Variants in ARHGEF1 observed in about 807,000 individuals in gnomAD.
ARHGEF1 encodes Rho guanine nucleotide exchange factor 1.
In ARHGEF1, 40 loss-of-function variants were observed where a neutral mutation model predicts 119.7. That is an observed-to-expected ratio of 0.33 (90% confidence interval 0.26 to 0.44). The LOEUF is 0.44. Ranked by LOEUF, ARHGEF1 falls within the 20% of genes least tolerant of loss-of-function variation. The pLI is 1.00. For synonymous variants in ARHGEF1, 494 were observed against 521.0 expected (o/e 0.95, Z 0.71); for missense variants, 976 against 1,268.3 (o/e 0.77, Z 3.50).
intron 12 of ARHGEF1, 63 bp downstream of exon 12, chr19:41,895,549 C>T: frequency 1.3e-6 from 2 of 1,509,612 alleles, no homozygotes; most frequent in East Asian, 2.3e-5. Context: ...GTGCTGCCTG[C>T]CCCCTTGGCA....
intron 14 of ARHGEF1, among the ~76,000 whole-genome samples, chr19:41,899,521 T>G (rs1317678958): frequency 6.6e-6 from 1 of 151,260 alleles, no homozygotes; most frequent in African/African-American, 2.4e-5. Context: ...TTTTTTTTTT[T>G]TTTTTAAGAC....
chr19:41,908,231 G>T, downstream of ARHGEF1: 3 of 1,231,786 alleles, frequency 2.4e-6, no homozygotes, highest in Non-Finnish European at 3.0e-6. This position sits in a 1 kb window ranked among gnomAD's most constrained non-coding sequence, Gnocchi z 6.7. Flanking sequence ...TGCCGGCTCA[G>T]CTGCCGGTCC....
chr19:41,883,931 A>C lies in ARHGEF1; in HGVS notation c.-20+642A>C, dbSNP rs2074255499. Among the ~76,000 whole-genome samples the C allele has an allele frequency of 6.6e-6, 1 of 152,066 alleles. No homozygotes were observed. Among genetic ancestry groups the C allele is most frequent in the Non-Finnish European group, 1.5e-5 (1 of 68,002 alleles). On this transcript the variant is annotated intron_variant, in intron 1 of 28. Transcript: ENST00000354532. The surrounding 1 kb of genome is among the most constrained non-coding windows in gnomAD (Gnocchi z 7.6). ...GAAGTCATTACTTTTTGCAGATTAC[A>C]CTGCATGTCAGAGGGAAAGTTGTGC...
chr19:41,884,383 G>T lies in ARHGEF1; in HGVS notation c.-20+1094G>T, dbSNP rs533580801. On this transcript the variant is annotated intron_variant, in intron 1 of 28. Transcript: ENST00000354532. ...AGGAGTGGAGCTGGGCGCAAAGGTG[G>T]ACTCAGGGCGGCTAGAGCGACGCGG... is the stretch of plus-strand genomic sequence containing the variant. The T allele has an allele frequency of 1.4e-5, 22 of 1,567,446 alleles. No homozygotes were observed. The East Asian group carries it at 3.6e-4, about 26-fold the overall frequency.
At position 41,923,332 on chromosome 19, in the gene ARHGEF1, A is replaced by G. The variant is rs972909246; in HGVS notation, c.140+99A>G. On this transcript the variant is annotated intron_variant, in intron 1 of 2. Transcript: ENST00000594417. The stretch of plus-strand genomic sequence containing the variant: ...AAAGAGACAAGACAAGGAGACAGAC[A>G]CAGAGTCCAGGATATGGAGAAACTG... 52 of 374,786 alleles carry G rather than the reference A, an allele frequency of 1.4e-4. 1 individual carries two copies. The highest frequency in any genetic ancestry group is 1.0e-3 in the South Asian group (52 of 50,282). 23.2% of individuals were successfully genotyped at this position (374,786 alleles called of 1,614,324 possible).
chr19:41,893,094 C>T, intron 7 of ARHGEF1, 180 bp from the exon 8 acceptor site: 1 of 1,016,784 alleles, frequency 9.8e-7, no homozygotes, highest in Non-Finnish European at 1.4e-6. Context: ...GGATCCCATC[C>T]TCCTGGATGA....
chr19:41,888,741 T>C lies in ARHGEF1; in HGVS notation c.112-11T>C, dbSNP rs781986420. 1.2e-6 allele frequency: 2 copies of C among 1,613,670 alleles called. No individual in the cohort carries two copies. The highest frequency in any genetic ancestry group is 2.2e-5 in the South Asian group (2 of 91,064). Reference sequence around the variant, plus strand: ...TCTCCCCATTGTACTCACCCCTTCCTGCACCCCCAGAACTCAGAAGAGCAA... The same window carrying C: ...TCTCCCCATTGTACTCACCCCTTCCCGCACCCCCAGAACTCAGAAGAGCAA... On this transcript the variant is annotated splice_polypyrimidine_tract_variant and intron_variant, in intron 3 of 28. Transcript: ENST00000354532. The surrounding 1 kb of genome is among the most constrained non-coding windows in gnomAD (Gnocchi z 5.1).
downstream of ARHGEF1, chr19:41,909,937 A>G (rs2074743000): frequency 6.2e-7 from 1 of 1,613,942 alleles, no homozygotes; most frequent in South Asian, 1.1e-5. This position sits in a 1 kb window ranked among gnomAD's most constrained non-coding sequence, Gnocchi z 5.2. Context: ...GGGCCACCTC[A>G]TCGGGGTCTT....
upstream of ARHGEF1, chr19:41,923,059 C>T (rs561408199): frequency 2.3e-6 from 1 of 434,536 alleles, no homozygotes; most frequent in South Asian, 1.6e-5. Flanking sequence ...AAGTTCAGCG[C>T]CCCCTCTGAC....
At chr19:41,911,928 G>A (rs1250109025), downstream of ARHGEF1, among the ~76,000 whole-genome samples, 2 of 151,426 alleles carry the variant, frequency 1.3e-5, no homozygotes, top group Non-Finnish European at 2.9e-5. Context: ...TGGACCCTAC[G>A]CTGAAAACCA....
intron 11 of ARHGEF1, 141 bp downstream of exon 11, chr19:41,894,802 T>C: frequency 2.8e-6 from 2 of 726,778 alleles, no homozygotes; most frequent in South Asian, 3.4e-5. Flanking sequence ...CCTGGACACC[T>C]GGGTCTGAGG....
At chr19:41,884,422 G>A in intron 1 of ARHGEF1, 1 of 1,600,964 alleles carries the variant, frequency 6.2e-7, no homozygotes, top group Non-Finnish European at 8.5e-7. Flanking sequence ...CAGGGGTGGG[G>A]AGAGTGCGGA....
At chr19:41,910,479 A>C (rs1469237548), downstream of ARHGEF1, among the ~76,000 whole-genome samples, 1 of 151,992 alleles carries the variant, frequency 6.6e-6, no homozygotes, top group African/African-American at 2.4e-5. The surrounding 1 kb of genome is among the most constrained non-coding windows in gnomAD (Gnocchi z 4.4). Context: ...CAGCCCTAGG[A>C]GGTCTCTAGT....
chr19:41,903,429 A>C lies in ARHGEF1; in HGVS notation c.1839+22A>C, dbSNP rs1200678631. 3 of 1,609,006 alleles carry C rather than the reference A, an allele frequency of 1.9e-6. No homozygotes were observed. Among genetic ancestry groups the C allele is most frequent in the African/African-American group, 2.7e-5 (2 of 74,806 alleles). On this transcript the variant is annotated intron_variant, in intron 19 of 28. Coordinates refer to ENST00000354532, the MANE Select transcript of ARHGEF1 (RefSeq NM_004706.4). This position sits in a 1 kb window ranked among gnomAD's most constrained non-coding sequence, Gnocchi z 4.2. ...GCTGGTGAGCCTGGGCTGGCCCCAC[A>C]CCCGGGACAGTGGATGGTGTGAGAG...
Position 41,904,002 on chromosome 19 carries a change from A to T in ARHGEF1, c.1918-33A>T, listed in dbSNP as rs368382185. Reference sequence around the variant, plus strand: ...CACCAACCCCAATCACCCCCTGCCAACCTGCACAAACCATCACCCCCTCCT... The same window carrying T: ...CACCAACCCCAATCACCCCCTGCCATCCTGCACAAACCATCACCCCCTCCT... On this transcript the variant is annotated intron_variant, in intron 20 of 28. Transcript: ENST00000354532. The surrounding 1 kb of genome is among the most constrained non-coding windows in gnomAD (Gnocchi z 8.4). 2 of 1,605,920 alleles carry T rather than the reference A, an allele frequency of 1.2e-6. No homozygotes were observed. The highest frequency in any genetic ancestry group is 2.7e-5 in the African/African-American group (2 of 74,532).
chr19:41,908,289 C>T (rs1200207349), downstream of ARHGEF1: 1 of 1,231,468 alleles, frequency 8.1e-7, no homozygotes, highest in Non-Finnish European at 1.0e-6. The surrounding 1 kb of genome is among the most constrained non-coding windows in gnomAD (Gnocchi z 6.7). Flanking sequence ...ACCCTCATCG[C>T]CCTCGCTGTC....
Position 41,895,719 on chromosome 19 carries a change from C to T in ARHGEF1, c.1015+233C>T, listed in dbSNP as rs112045696. ...GGCTCTGACCTCTCTGCTGGTGCTG[C>T]GTCTCCCACCCCCTTGGACTACGTT... On this transcript the variant is annotated intron_variant, in intron 12 of 28. Coordinates refer to ENST00000354532, the MANE Select transcript of ARHGEF1 (RefSeq NM_004706.4). Among the ~76,000 whole-genome samples the T allele has an allele frequency of 2.5e-3, 377 of 152,256 alleles. 1 individual carries two copies. The highest frequency in any genetic ancestry group is 8.5e-3 in the African/African-American group (355 of 41,538).
At position 41,906,014 on chromosome 19, in the gene ARHGEF1, C is replaced by T; in HGVS notation, c.2480C>T (p.Ala827Val). ...PGPEGQLAAT[A>V]LRKVLSLKQL... ...CCCGAGGGCCAGCTCGCTGCCACGGCCCTTCGGAAAGGTAGCCCAGCTCTG... is the reference window on the plus strand; with the variant it reads ...CCCGAGGGCCAGCTCGCTGCCACGGTCCTTCGGAAAGGTAGCCCAGCTCTG... Residue 827 changes from alanine (A) to valine (V), a missense_variant, in exon 26 of 29, where the codon GCC becomes GTC. Around this residue, in one of 3 missense-constraint regions of ARHGEF1, gnomAD observed 171 missense variants for 180.6 expected, o/e 0.95. Transcript: ENST00000354532. This position sits in a 1 kb window ranked among gnomAD's most constrained non-coding sequence, Gnocchi z 4.5. 4.3e-6 allele frequency: 7 copies of T among 1,613,980 alleles called. No homozygotes were observed. The highest frequency in any genetic ancestry group is 5.9e-6 in the Non-Finnish European group (7 of 1,179,972).
chr19:41,884,291 G>A, intron 1 of ARHGEF1: 3 of 880,218 alleles, frequency 3.4e-6, no homozygotes, highest in Non-Finnish European at 5.2e-6. Context: ...CGCTAGAGCG[G>A]CCGGCGGGAG....
Sources: gnomAD v4.1 joint callset for allele counts (sites outside exome capture counted in the v4.1 genomes callset) on GRCh38, gnomAD v4.1.1 for gene constraint, gnomAD v4.1.1 regional missense constraint, Gnocchi (gnomAD v3.1) non-coding constraint, MANE v1.5 for transcripts, NCBI Gene and HGNC (gene_info 2026-07-23, HGNC 2026-07-21) for gene names.